The following ASTN1 variants were observed in gnomAD, a reference collection of about 807,000 sequenced individuals.
ASTN1 encodes astrotactin-1.
ASTN1 carries 41 observed loss-of-function variants against 140.7 expected under a neutral mutation model. The observed-to-expected ratio is 0.29, with a 90% CI of 0.23 to 0.38. The LOEUF (loss-of-function observed/expected upper bound fraction) is 0.38, where lower values mean the gene tolerates loss of function less well. ASTN1 is among the 10% of genes least tolerant of loss of function. The probability of loss-of-function intolerance (pLI) is 1.00; values close to 1 mark genes in which losing one functional copy is unlikely to be tolerated. For missense variants in ASTN1, 1,479 were observed against 1,678.8 expected (o/e 0.88, Z 2.08); for synonymous variants, 640 against 652.2 (o/e 0.98, Z 0.29).
chr1:176,906,343 A>G (rs1300811573), intron 16 of ASTN1, among the ~76,000 whole-genome samples: 1 of 152,210 alleles, frequency 6.6e-6, no homozygotes, highest in African/African-American at 2.4e-5. Flanking sequence ...AGAAATGATG[A>G]GAAGAGTTTA....
chr1:177,157,245 ACT>A (rs1683278242), intron 1 of ASTN1, among the ~76,000 whole-genome samples: 1 of 151,868 alleles, frequency 6.6e-6, no homozygotes, highest in Non-Finnish European at 1.5e-5. Context: ...GCATATGGAA[ACT>A]CTCTGTACTA....
chr1:176,966,309 T>C (rs1293280243), intron 8 of ASTN1, among the ~76,000 whole-genome samples: 1 of 152,206 alleles, frequency 6.6e-6, no homozygotes, highest in Non-Finnish European at 1.5e-5. Context: ...GAGGGCATTT[T>C]GATAAATGTA....
At chr1:176,949,677 G>A (rs749881108) in intron 11 of ASTN1, among the ~76,000 whole-genome samples, 24 of 152,236 alleles carry the variant, frequency 1.6e-4, no homozygotes, top group Non-Finnish European at 3.2e-4. Flanking sequence ...CAGGAGAGTG[G>A]AAGTGATGGG....
chr1:177,154,346 T>C (rs1683157407), intron 1 of ASTN1, among the ~76,000 whole-genome samples: 2 of 152,194 alleles, frequency 1.3e-5, no homozygotes, highest in African/African-American at 2.4e-5. Flanking sequence ...ACTAGCCACA[T>C]GAAGTTATTT....
At chr1:176,939,103 C>T (rs1571539365) in intron 14 of ASTN1, among the ~76,000 whole-genome samples, 2 of 150,230 alleles carry the variant, frequency 1.3e-5, no homozygotes, top group East Asian at 1.9e-4. Flanking sequence ...CAGAGCAGGA[C>T]ACCATCTCAA....
chr1:177,101,244 A>ACATG (rs1491205900), intron 1 of ASTN1, among the ~76,000 whole-genome samples: 1 of 152,222 alleles, frequency 6.6e-6, no homozygotes, highest in African/African-American at 2.4e-5. Flanking sequence ...AAGTCAAAAG[A>ACATG]CATGCATAAG....
At chr1:177,022,849 T>G (rs1675897698) in intron 7 of ASTN1, among the ~76,000 whole-genome samples, 1 of 152,322 alleles carries the variant, frequency 6.6e-6, no homozygotes, top group Non-Finnish European at 1.5e-5. Flanking sequence ...TTGAGGATTA[T>G]TTAATGATTC....
At chr1:177,069,900 G>C (rs1350030254) in intron 1 of ASTN1, among the ~76,000 whole-genome samples, 2 of 151,436 alleles carry the variant, frequency 1.3e-5, no homozygotes, top group Admixed American at 1.3e-4. Context: ...AAAAAGGCAG[G>C]GTTATCTGAG....
chr1:177,029,190 T>C (rs896955004), intron 5 of ASTN1, among the ~76,000 whole-genome samples: 1 of 152,198 alleles, frequency 6.6e-6, no homozygotes, highest in Non-Finnish European at 1.5e-5. Flanking sequence ...TTTCAGGCCA[T>C]AGATCATTCC....
chr1:177,044,386 G>A (rs1677118566), intron 2 of ASTN1, among the ~76,000 whole-genome samples: 1 of 152,022 alleles, frequency 6.6e-6, no homozygotes, highest in Non-Finnish European at 1.5e-5. Context: ...TGATTGAGTG[G>A]GGTGCAGGTA....
At chr1:177,065,972 A>G (rs973870063) in intron 1 of ASTN1, among the ~76,000 whole-genome samples, 1 of 152,218 alleles carries the variant, frequency 6.6e-6, no homozygotes, top group Non-Finnish European at 1.5e-5. Context: ...GTAACCTTGA[A>G]TGAGTTGCCT....
intron 16 of ASTN1, among the ~76,000 whole-genome samples, chr1:176,899,687 C>A (rs1669682807): frequency 6.6e-6 from 1 of 152,168 alleles, no homozygotes; most frequent in Non-Finnish European, 1.5e-5. Flanking sequence ...CTACCCCAAC[C>A]CCCACCCCAG....
At chr1:177,150,408 C>T (rs1481173221) in intron 1 of ASTN1, among the ~76,000 whole-genome samples, 2 of 152,116 alleles carry the variant, frequency 1.3e-5, no homozygotes, top group African/African-American at 4.8e-5. Flanking sequence ...GGAAATTGAT[C>T]TACCTCTGGA....
intron 17 of ASTN1, among the ~76,000 whole-genome samples, chr1:176,893,248 A>T (rs1669344954): frequency 1.3e-5 from 2 of 152,176 alleles, no homozygotes; most frequent in East Asian, 3.9e-4. Context: ...CTCTTAGGGT[A>T]TCAGCAGCAG....
intron 8 of ASTN1, among the ~76,000 whole-genome samples, chr1:176,978,292 A>C (rs146663939): frequency 1.4e-3 from 214 of 152,356 alleles, no homozygotes; most frequent in Admixed American, 3.6e-3. Context: ...ATGGGGAGCC[A>C]CTGATGGGCT....
intron 19 of ASTN1, 97 bp from the exon 20 acceptor site, chr1:176,883,091 G>C: frequency 6.7e-7 from 1 of 1,502,840 alleles, no homozygotes; most frequent in Non-Finnish European, 9.1e-7. Flanking sequence ...ACATGACAAT[G>C]ATTTGGTCCT....
chr1:176,949,822 G>A (rs1031951912), intron 11 of ASTN1, among the ~76,000 whole-genome samples: 1 of 152,170 alleles, frequency 6.6e-6, no homozygotes, highest in Admixed American at 6.5e-5. Flanking sequence ...AGCAGTGTTG[G>A]GGGGAATGGA....
At chr1:177,090,025 A>C (rs1679669230) in intron 1 of ASTN1, among the ~76,000 whole-genome samples, 3 of 152,052 alleles carry the variant, frequency 2.0e-5, no homozygotes, top group African/African-American at 7.2e-5. Context: ...CACAACACAC[A>C]CACACACCCC....
At chr1:176,975,256 T>C (rs2101870249) in intron 8 of ASTN1, among the ~76,000 whole-genome samples, 1 of 152,304 alleles carries the variant, frequency 6.6e-6, no homozygotes, top group Non-Finnish European at 1.5e-5. Flanking sequence ...TCACAGCTAC[T>C]TAGAGAACTC....
Sources: allele counts gnomAD v4.1 joint callset (sites outside exome capture counted in the v4.1 genomes callset), GRCh38; gene constraint gnomAD v4.1.1; transcripts MANE v1.5; gene names NCBI Gene and HGNC (gene_info 2026-07-23, HGNC 2026-07-21).